The following BRINP3 variants were observed in gnomAD, a reference collection of about 807,000 sequenced individuals.
BRINP3 encodes the protein BMP/retinoic acid inducible neural specific 3, also known as BMP/retinoic acid-inducible neural-specific protein 3.
Under a neutral mutation model 71.0 loss-of-function variants are expected in BRINP3, and 19 were observed. The ratio of observed to expected loss-of-function variants is 0.27; its 90% CI spans 0.19 to 0.39. The LOEUF is 0.39. Ranked by LOEUF, BRINP3 falls within the 10% of genes least tolerant of loss-of-function variation. The probability of loss-of-function intolerance (pLI) is 1.00; values close to 1 mark genes in which losing one functional copy is unlikely to be tolerated. For synonymous variants in BRINP3, 380 were observed against 337.7 expected, an observed-to-expected ratio of 1.13 and a Z score of -1.37; for missense variants, 959 against 940.8, an observed-to-expected ratio of 1.02 and a Z score of -0.25.
intron 6 of BRINP3, among the ~76,000 whole-genome samples, chr1:190,183,777 G>C (rs1173868928): frequency 1.3e-5 from 2 of 152,050 alleles, no homozygotes; most frequent in Non-Finnish European, 2.9e-5. Context: ...CTCCCCACTT[G>C]GCTTTCTATC....
chr1:190,279,656 A>G (rs950645574), intron 3 of BRINP3, among the ~76,000 whole-genome samples: 1 of 151,770 alleles, frequency 6.6e-6, no homozygotes, highest in Non-Finnish European at 1.5e-5. Flanking sequence ...TAATGTCTTG[A>G]GATTCCATGC....
intron 2 of BRINP3, among the ~76,000 whole-genome samples, chr1:190,412,947 A>T (rs529373536): frequency 5.9e-5 from 9 of 152,324 alleles, no homozygotes; most frequent in East Asian, 1.9e-4. Flanking sequence ...GAAGGCAGGC[A>T]AGCATATTCA....
At chr1:190,254,259 T>G (rs1280495112) in intron 4 of BRINP3, among the ~76,000 whole-genome samples, 1 of 151,390 alleles carries the variant, frequency 6.6e-6, no homozygotes, top group Non-Finnish European at 1.5e-5. Flanking sequence ...GGCTCTCTTT[T>G]AATTCCATAT....
intron 6 of BRINP3, among the ~76,000 whole-genome samples, chr1:190,205,061 G>A (rs186874888): frequency 1.4e-3 from 216 of 151,922 alleles, no homozygotes; most frequent in Middle Eastern, 3.4e-3. Flanking sequence ...CCAGTATGCA[G>A]TTGATATGGT....
intron 2 of BRINP3, among the ~76,000 whole-genome samples, chr1:190,421,813 T>G (rs2102462938): frequency 6.6e-6 from 1 of 151,974 alleles, no homozygotes; most frequent in Non-Finnish European, 1.5e-5. Flanking sequence ...TGGTCATGAT[T>G]ATGAAATGTT....
chr1:190,189,346 A>G (rs1177109194), intron 6 of BRINP3, among the ~76,000 whole-genome samples: 1 of 152,026 alleles, frequency 6.6e-6, no homozygotes. Context: ...CAGATTTTCT[A>G]TTTGTTCATT....
chr1:190,354,558 C>A (rs1668607155), intron 2 of BRINP3, among the ~76,000 whole-genome samples: 1 of 151,872 alleles, frequency 6.6e-6, no homozygotes. Context: ...CTACAGTGAA[C>A]TATTTGGTTA....
intron 4 of BRINP3, among the ~76,000 whole-genome samples, chr1:190,261,943 C>T (rs1661219020): frequency 6.6e-6 from 1 of 152,178 alleles, no homozygotes; most frequent in African/African-American, 2.4e-5. Context: ...TGGATCCAGC[C>T]TACTGAAGTC....
chr1:190,270,588 A>G (rs1662023817), intron 3 of BRINP3, among the ~76,000 whole-genome samples: 1 of 151,814 alleles, frequency 6.6e-6, no homozygotes, highest in Non-Finnish European at 1.5e-5. Flanking sequence ...GTATGTTGTT[A>G]CATATGAGTA....
chr1:190,268,736 C>A (rs1040565090), intron 3 of BRINP3, among the ~76,000 whole-genome samples: 5 of 152,018 alleles, frequency 3.3e-5, no homozygotes, highest in Non-Finnish European at 5.9e-5. Flanking sequence ...ATATTACTAT[C>A]TCAATAGACT....
intron 2 of BRINP3, among the ~76,000 whole-genome samples, chr1:190,373,065 C>A (rs1048450199): frequency 2.6e-5 from 4 of 152,080 alleles, no homozygotes; most frequent in African/African-American, 9.7e-5. Flanking sequence ...ATGATATCCT[C>A]CCTGGCCACT....
chr1:190,137,323 G>A (rs1655058144), intron 7 of BRINP3, among the ~76,000 whole-genome samples: 1 of 151,592 alleles, frequency 6.6e-6, no homozygotes, highest in Non-Finnish European at 1.5e-5. Flanking sequence ...GAAATACTCT[G>A]ATTGCCATGT....
intron 7 of BRINP3, among the ~76,000 whole-genome samples, chr1:190,110,880 T>C (rs943798366): frequency 6.6e-6 from 1 of 152,188 alleles, no homozygotes; most frequent in African/African-American, 2.4e-5. Flanking sequence ...TCTATGATTC[T>C]TCTAGCACAA....
At position 190,453,201 on chromosome 1, in the gene BRINP3, G is replaced by GTTTTTTTTTTTTTTTTTTTT. The variant is rs745819844; in HGVS notation, c.236+1453_236+1454insAAAAAAAAAAAAAAAAAAAA. Among the ~76,000 whole-genome samples the GTTTTTTTTTTTTTTTTTTTT allele has an allele frequency of 1.6e-4, 6 of 37,850 alleles. 1 individual carries two copies. The highest frequency in any genetic ancestry group is 9.0e-4 in the South Asian group (1 of 1,108). The allele number at this position is 37,850 out of a possible 152,430, so 24.8% of individuals were successfully genotyped here. A position where few individuals can be genotyped will look rare whatever the true frequency, so the allele number is the denominator to read the frequency against. ...CTACTTTTCAGAAAGAAAAACTTTAGTATTTTTTTTTTTTTTTTTTTTTTT... is the reference window on the plus strand; with the variant it reads ...CTACTTTTCAGAAAGAAAAACTTTAGTTTTTTTTTTTTTTTTTTTTTATTTTTTTTTTTTTTTTTTTTTTT... On this transcript the variant is annotated intron_variant, in intron 2 of 7. Transcript: ENST00000367462.
intron 2 of BRINP3, among the ~76,000 whole-genome samples, chr1:190,399,122 T>A (rs1671765134): frequency 6.6e-6 from 1 of 152,010 alleles, no homozygotes; most frequent in Admixed American, 6.6e-5. Context: ...ACTTCATAAA[T>A]GAACATAAAA....
intron 2 of BRINP3, among the ~76,000 whole-genome samples, chr1:190,306,336 G>C (rs565511985): frequency 3.1e-4 from 47 of 152,004 alleles, no homozygotes; most frequent in African/African-American, 1.0e-3. Flanking sequence ...GGTTGAAAAG[G>C]AGTATCTGAA....
At chr1:190,249,490 T>A (rs1329527575) in intron 4 of BRINP3, among the ~76,000 whole-genome samples, 1 of 151,878 alleles carries the variant, frequency 6.6e-6, no homozygotes, top group African/African-American at 2.4e-5. Context: ...AATTAATAGA[T>A]TTTTCAAATG....
At chr1:190,294,343 C>T (rs1348053234) in intron 2 of BRINP3, among the ~76,000 whole-genome samples, 20 of 151,422 alleles carry the variant, frequency 1.3e-4, no homozygotes, top group Non-Finnish European at 1.9e-4. Flanking sequence ...ACTGCAGACT[C>T]GATTTCCCAG....
chr1:190,209,636 A>T (rs1655813402), intron 6 of BRINP3, among the ~76,000 whole-genome samples: 1 of 152,132 alleles, frequency 6.6e-6, no homozygotes, highest in African/African-American at 2.4e-5. Context: ...TTCATAAAAT[A>T]TTTGCTCAGT....
Sources: gnomAD v4.1 joint callset for allele counts (sites outside exome capture counted in the v4.1 genomes callset) on GRCh38, gnomAD v4.1.1 for gene constraint, MANE v1.5 for transcripts, NCBI Gene and HGNC (gene_info 2026-07-23, HGNC 2026-07-21) for gene names.